The following SNX29 variants were observed in gnomAD, a reference collection of about 807,000 sequenced individuals.
The protein encoded by SNX29 is sorting nexin 29, also known as sorting nexin-29.
In SNX29, 78 loss-of-function variants were observed where a neutral mutation model predicts 102.1. The ratio of observed to expected loss-of-function variants is 0.76; its 90% confidence interval spans 0.64 to 0.92. SNX29 has a LOEUF of 0.92. Among genes scored for constraint, SNX29 ranks in the 40% least tolerant of loss-of-function variants. The pLI, the probability that SNX29 is intolerant of heterozygous loss-of-function variation, is 0.00. For synonymous variants in SNX29, 580 were observed against 414.5 expected (o/e 1.40, Z -4.85); for missense variants, 1,280 against 1,061.7 (o/e 1.21, Z -2.86).
At chr16:12,550,511 G>C (rs865825580) in intron 20 of SNX29, among the ~76,000 whole-genome samples, 26 of 147,248 alleles carry the variant, frequency 1.8e-4, no homozygotes, top group Admixed American at 5.4e-4. Context: ...TTCCAGTCTG[G>C]GAGACACAGT....
Position 12,443,179 on chromosome 16 carries a change from C to G in SNX29, c.2038-34540C>G, listed in dbSNP as rs1029267048. ...GTGGGCTTTCTCTGTCATGCTCCTT[C>G]CTATGGAAGCTGCTCAGTAGATCCT... On this transcript the variant is annotated intron_variant, in intron 18 of 20. Transcript: ENST00000566228. 6 of 369,138 alleles carry G rather than the reference C, an allele frequency of 1.6e-5. No homozygotes were observed. In the Admixed American group the frequency reaches 2.1e-4, roughly 13 times the overall value. The allele number at this position is 369,138 out of a possible 1,614,324, so 22.9% of individuals were successfully genotyped here.
intron 14 of SNX29, among the ~76,000 whole-genome samples, chr16:12,256,117 A>T (rs796104097): frequency 2.6e-5 from 4 of 152,250 alleles, no homozygotes; most frequent in African/African-American, 9.6e-5. Flanking sequence ...CATTTCTCCG[A>T]TGATTGGTAA....
intron 4 of SNX29, among the ~76,000 whole-genome samples, chr16:12,038,150 A>G (rs1247119221): frequency 6.6e-6 from 1 of 152,180 alleles, no homozygotes; most frequent in African/African-American, 2.4e-5. Context: ...CTTTACATGT[A>G]TTCCTATTTC....
At chr16:12,524,510 A>G (rs765099702) in intron 19 of SNX29, among the ~76,000 whole-genome samples, 192 bp from the exon 20 acceptor site, 1 of 150,558 alleles carries the variant, frequency 6.6e-6, no homozygotes, top group East Asian at 1.9e-4. Flanking sequence ...CTTAATAATA[A>G]TATCGTGAGC....
chr16:12,417,871 A>C (rs2084706113), intron 18 of SNX29, among the ~76,000 whole-genome samples: 1 of 152,070 alleles, frequency 6.6e-6, no homozygotes, highest in Admixed American at 6.6e-5. Context: ...TGGGAAGAGA[A>C]GCGCTGTATG....
intron 20 of SNX29, among the ~76,000 whole-genome samples, chr16:12,553,138 C>G (rs1313368616): frequency 6.6e-6 from 1 of 152,184 alleles, no homozygotes; most frequent in Non-Finnish European, 1.5e-5. Flanking sequence ...GCTTCTGGCT[C>G]ACAGCTCTGG....
chr16:12,477,190 G>A (rs1221584479), intron 18 of SNX29, among the ~76,000 whole-genome samples: 1 of 152,110 alleles, frequency 6.6e-6, no homozygotes, highest in Non-Finnish European at 1.5e-5. Context: ...CACGGCATTC[G>A]GTCTAGTGGG....
At chr16:12,304,128 C>G (rs1037591927) in intron 15 of SNX29, among the ~76,000 whole-genome samples, 1 of 151,862 alleles carries the variant, frequency 6.6e-6, no homozygotes, top group Non-Finnish European at 1.5e-5. Context: ...GAATGAGTCC[C>G]TTGACCAAGT....
chr16:12,315,225 A>G (rs1342816656), intron 15 of SNX29, among the ~76,000 whole-genome samples: 1 of 152,124 alleles, frequency 6.6e-6, no homozygotes, highest in African/African-American at 2.4e-5. Flanking sequence ...CTCCCAGTTG[A>G]GAGTGATGCA....
intron 19 of SNX29, among the ~76,000 whole-genome samples, chr16:12,519,098 T>C (rs540523342): frequency 1.3e-3 from 193 of 152,294 alleles, no homozygotes; most frequent in African/African-American, 3.8e-3. Flanking sequence ...GCTTAGCCCC[T>C]ACCCACTGGC....
rs969237285 is a variant in SNX29, at chr16:12,534,668, C to T, written c.2318+9827C>T. Among the ~76,000 whole-genome samples, 4 of 152,176 alleles carry T rather than the reference C, an allele frequency of 2.6e-5. No individual in the cohort carries two copies. The East Asian group carries it at 7.7e-4, about 29-fold the overall frequency. Reference sequence around the variant, plus strand: ...CCTGAAGGAGTTCCCTGCAGACGGGCTGTCGGAGGATCTTTGATTCTGCTT... The same window carrying T: ...CCTGAAGGAGTTCCCTGCAGACGGGTTGTCGGAGGATCTTTGATTCTGCTT... On this transcript the variant is annotated intron_variant, in intron 20 of 20. Coordinates refer to ENST00000566228, the MANE Select transcript of SNX29 (RefSeq NM_032167.5).
At position 12,342,110 on chromosome 16, in the gene SNX29, A is replaced by G. The variant is rs116958859; in HGVS notation, c.1783-14053A>G. 1.4e-4 allele frequency among the ~76,000 whole-genome samples: 22 copies of G among 152,302 alleles called. No individual in the cohort carries two copies. The East Asian group carries it at 3.9e-3, about 27-fold the overall frequency. On this transcript the variant is annotated intron_variant, in intron 15 of 20. Transcript: ENST00000566228. Reference sequence around the variant, plus strand: ...AGAAAACAGAAGAAGATCACATTTGATGAGCCACTCTGTTGGGGGTGGCCT... The same window carrying G: ...AGAAAACAGAAGAAGATCACATTTGGTGAGCCACTCTGTTGGGGGTGGCCT...
At chr16:12,290,846 C>G (rs1261484498) in intron 15 of SNX29, among the ~76,000 whole-genome samples, 2 of 152,126 alleles carry the variant, frequency 1.3e-5, no homozygotes, top group African/African-American at 4.8e-5. Context: ...CATGGTGATT[C>G]TGGAAGCTTT....
At chr16:12,401,612 C>A (rs948439766) in intron 17 of SNX29, among the ~76,000 whole-genome samples, 2 of 152,120 alleles carry the variant, frequency 1.3e-5, no homozygotes, top group South Asian at 4.1e-4. Flanking sequence ...GATCCACCTT[C>A]CTCAGCCTCC....
chr16:12,297,137 T>C (rs2080009166), intron 15 of SNX29: 1 of 152,228 alleles, frequency 6.6e-6, no homozygotes, highest in Admixed American at 6.5e-5. Context: ...GGGTTAGGGG[T>C]CGGAGGCTGG....
intron 20 of SNX29, among the ~76,000 whole-genome samples, chr16:12,556,065 TATTA>T (rs2082900709): frequency 6.6e-6 from 1 of 151,486 alleles, no homozygotes; most frequent in African/African-American, 2.4e-5. Context: ...GTGCTTTTCT[TATTA>T]ATCTTATAGA....
chr16:12,216,034 C>T (rs2077314589), intron 14 of SNX29, among the ~76,000 whole-genome samples: 1 of 152,156 alleles, frequency 6.6e-6, no homozygotes, highest in Non-Finnish European at 1.5e-5. Context: ...ACATCCTGGG[C>T]CAGAAGCAGC....
intron 16 of SNX29, among the ~76,000 whole-genome samples, chr16:12,393,919 G>A (rs8044113): frequency 0.34 from 51,901 of 152,082 alleles, 10,684 homozygotes; most frequent in East Asian, 0.57. Context: ...CAAGGTTTAC[G>A]GAAGCCAAGT....
intron 15 of SNX29, among the ~76,000 whole-genome samples, chr16:12,294,586 T>C (rs9940308): frequency 0.11 from 16,554 of 152,226 alleles, 2,379 homozygotes; most frequent in African/African-American, 0.33. Context: ...GCCGCCATCA[T>C]GGTTCCCTGT....
Sources: allele counts gnomAD v4.1 joint callset (sites outside exome capture counted in the v4.1 genomes callset), GRCh38; gene constraint gnomAD v4.1.1; transcripts MANE v1.5; gene names NCBI Gene and HGNC (gene_info 2026-07-23, HGNC 2026-07-21).